EBF1: variants seen among roughly 807,000 people sequenced by gnomAD.
EBF1 encodes the protein transcription factor COE1.
A neutral mutation model predicts 68.4 loss-of-function variants in EBF1; 10 were observed. The ratio of observed to expected loss-of-function variants is 0.15; its 90% CI spans 0.09 to 0.25. The LOEUF (loss-of-function observed/expected upper bound fraction) is 0.25, where lower values mean the gene tolerates loss of function less well. Among genes scored for constraint, EBF1 ranks in the 10% least tolerant of loss-of-function variants. EBF1 has a pLI of 1.00. For synonymous variants in EBF1, 298 were observed against 299.8 expected, an observed-to-expected ratio of 0.99 and a Z score of 0.06; for missense variants, 509 against 794.4, an observed-to-expected ratio of 0.64 and a Z score of 4.32.
chr5:158,795,120 G>A (rs1478730111), intron 9 of EBF1, among the ~76,000 whole-genome samples: 2 of 152,186 alleles, frequency 1.3e-5, no homozygotes, highest in Non-Finnish European at 2.9e-5. Flanking sequence ...ACAAAGAACA[G>A]CGTCTGTTCT....
intron 4 of EBF1, among the ~76,000 whole-genome samples, chr5:159,090,680 A>G (rs1188437383): frequency 2.0e-5 from 3 of 152,116 alleles, no homozygotes; most frequent in Admixed American, 1.3e-4. Context: ...ACCATAAAAA[A>G]CTAAATCACT....
intron 6 of EBF1, among the ~76,000 whole-genome samples, chr5:158,979,937 A>G (rs1036627004): frequency 6.6e-6 from 1 of 152,168 alleles, no homozygotes; most frequent in Non-Finnish European, 1.5e-5. Flanking sequence ...TGCTTGCAGC[A>G]TCATTGCTTT....
chr5:159,099,332 G>T lies in EBF1; in HGVS notation c.134+13C>A. The T allele has an allele frequency of 6.4e-7, 1 of 1,557,200 alleles. No individual in the cohort carries two copies. Among genetic ancestry groups the T allele is most frequent in the Non-Finnish European group, 8.7e-7 (1 of 1,155,252 alleles). On this transcript the variant is annotated intron_variant, in intron 1 of 15. Transcript: ENST00000313708. The stretch of plus-strand genomic sequence containing the variant: ...GCGGCTCACCTCGGCCGCGGTCCCC[G>T]CGCAGTACCCACCTCTGCGCCGCCG...
At chr5:159,032,359 G>A (rs1474688422) in intron 6 of EBF1, among the ~76,000 whole-genome samples, 5 of 152,168 alleles carry the variant, frequency 3.3e-5, no homozygotes, top group Admixed American at 2.6e-4. Context: ...TGATTTCAAA[G>A]ACTAGGCCCT....
At chr5:158,745,018 G>C (rs1191060360) in intron 10 of EBF1, among the ~76,000 whole-genome samples, 1 of 152,126 alleles carries the variant, frequency 6.6e-6, no homozygotes, top group Non-Finnish European at 1.5e-5. Context: ...ATTTGGACTT[G>C]TGCTCCGTCT....
In EBF1 at chr5:158,789,131, T is replaced by G. The variant is rs376439673; in HGVS notation, c.909+7214A>C. ...TTTTAAATTTGTTAACAAATAAAGT[T>G]TATAATTTTGCACAAAGCAACTTCT... On this transcript the variant is annotated intron_variant, in intron 9 of 15. Transcript: ENST00000313708. 9.2e-5 allele frequency among the ~76,000 whole-genome samples: 14 copies of G among 152,238 alleles called. No individual in the cohort carries two copies. In the East Asian group the frequency reaches 1.3e-3, roughly 15 times the overall value.
At chr5:159,058,137 G>A (rs1449071756) in intron 6 of EBF1, among the ~76,000 whole-genome samples, 2 of 152,198 alleles carry the variant, frequency 1.3e-5, no homozygotes, top group African/African-American at 4.8e-5. Context: ...TCTGCAGATA[G>A]TCTTTATTGT....
chr5:159,094,124 A>T (rs1584571478), intron 4 of EBF1, among the ~76,000 whole-genome samples: 1 of 140,324 alleles, frequency 7.1e-6, no homozygotes, highest in Non-Finnish European at 1.6e-5. Flanking sequence ...AAAGAAAAAA[A>T]GTTATTAAAA....
chr5:158,945,473 A>G (rs1814447802), intron 6 of EBF1, among the ~76,000 whole-genome samples: 1 of 152,138 alleles, frequency 6.6e-6, no homozygotes, highest in African/African-American at 2.4e-5. Context: ...CGAGTTGAAA[A>G]TTCTTTAAGA....
intron 5 of EBF1, 94 bp downstream of exon 5, chr5:159,084,572 A>C (rs1780311829): frequency 3.2e-5 from 4 of 125,348 alleles, no homozygotes; most frequent in Non-Finnish European, 4.8e-5. Flanking sequence ...AATGTGTACC[A>C]AAAAAAAAAA....
intron 6 of EBF1, among the ~76,000 whole-genome samples, chr5:158,997,395 T>G (rs2127630839): frequency 6.6e-6 from 1 of 152,286 alleles, no homozygotes; most frequent in Non-Finnish European, 1.5e-5. Flanking sequence ...AGCTAAGTAT[T>G]AAATATTTTG....
At chr5:158,944,218 T>C (rs1371582288) in intron 6 of EBF1, among the ~76,000 whole-genome samples, 1 of 152,140 alleles carries the variant, frequency 6.6e-6, no homozygotes, top group African/African-American at 2.4e-5. Flanking sequence ...TCCCTCCCCT[T>C]GTCCTCCACC....
intron 6 of EBF1, among the ~76,000 whole-genome samples, chr5:158,886,730 G>C (rs897318232): frequency 2.0e-5 from 3 of 152,216 alleles, no homozygotes; most frequent in African/African-American, 7.2e-5. Context: ...AGGAGACTTA[G>C]GCTGGGCATG....
chr5:158,706,191 CTTT>C (rs201025630), intron 15 of EBF1, among the ~76,000 whole-genome samples: 17 of 137,924 alleles, frequency 1.2e-4, no homozygotes, highest in African/African-American at 3.7e-4. Context: ...CACAGGCACG[CTTT>C]TTTTTTTTTT....
chr5:158,995,486 C>T (rs374857000), intron 6 of EBF1, among the ~76,000 whole-genome samples: 1 of 152,140 alleles, frequency 6.6e-6, no homozygotes, highest in Non-Finnish European at 1.5e-5. Flanking sequence ...CTCCAAGGCT[C>T]TTCTGAGTCC....
chr5:159,088,191 C>A (rs6879995), intron 4 of EBF1, among the ~76,000 whole-genome samples: 51,754 of 151,926 alleles, frequency 0.34, 9,217 homozygotes, highest in African/African-American at 0.41. Flanking sequence ...ACATGTACCC[C>A]TATCATACAG....
intron 6 of EBF1, among the ~76,000 whole-genome samples, chr5:158,999,228 A>G (rs1190714276): frequency 2.6e-5 from 4 of 152,354 alleles, no homozygotes; most frequent in African/African-American, 9.6e-5. Flanking sequence ...CCAAAAACAG[A>G]AAATGTGACC....
chr5:158,861,530 G>A (rs1794959585), intron 6 of EBF1, among the ~76,000 whole-genome samples: 1 of 152,196 alleles, frequency 6.6e-6, no homozygotes, highest in Non-Finnish European at 1.5e-5. Context: ...GTTTATGTAT[G>A]CTCCCTCCAT....
At chr5:158,846,053 A>C (rs1791448875) in intron 6 of EBF1, among the ~76,000 whole-genome samples, 1 of 152,190 alleles carries the variant, frequency 6.6e-6, no homozygotes, top group African/African-American at 2.4e-5. Flanking sequence ...CTGAGACACA[A>C]AACCTACATT....
Sources: gnomAD v4.1 joint callset for allele counts (sites outside exome capture counted in the v4.1 genomes callset) on GRCh38, gnomAD v4.1.1 for gene constraint, MANE v1.5 for transcripts, NCBI Gene and HGNC (gene_info 2026-07-23, HGNC 2026-07-21) for gene names.